KIRREL3: variants seen among roughly 807,000 people sequenced by gnomAD.
KIRREL3 encodes the protein kirre like nephrin family adhesion molecule 3, also known as kin of IRRE-like protein 3.
In KIRREL3, 36 loss-of-function variants were observed where a neutral mutation model predicts 89.7. That is an observed-to-expected ratio of 0.40 (90% CI 0.31 to 0.53). KIRREL3 has a LOEUF of 0.53. Ranked by LOEUF, KIRREL3 falls within the 20% of genes least tolerant of loss-of-function variation. The pLI is 0.49. For missense variants in KIRREL3, 864 were observed against 1,056.6 expected, an observed-to-expected ratio of 0.82 and a Z score of 2.53; for synonymous variants, 445 against 441.4, an observed-to-expected ratio of 1.01 and a Z score of -0.10.
chr11:126,759,036 A>C (rs1949590965), intron 1 of KIRREL3, among the ~76,000 whole-genome samples: 2 of 152,220 alleles, frequency 1.3e-5, no homozygotes. Context: ...AGAGTGGGTC[A>C]TGTACACCCC....
chr11:126,516,264 A>G lies in KIRREL3; in HGVS notation c.433+5051T>C, dbSNP rs1958404575. Among the ~76,000 whole-genome samples, 1 of 152,184 alleles carries G rather than the reference A, an allele frequency of 6.6e-6. No homozygotes were observed. Among genetic ancestry groups the G allele is most frequent in the Admixed American group, 6.5e-5 (1 of 15,282 alleles). On this transcript the variant is annotated intron_variant, in intron 4 of 16. Coordinates refer to ENST00000525144, the MANE Select transcript of KIRREL3 (RefSeq NM_032531.4). The surrounding 1 kb of genome is among the most constrained non-coding windows in gnomAD (Gnocchi z 4.9). ...CTTTATTTCTAACGGGAGCCACAAG[A>G]CAGCAGAGTTAATATTAGAACGGGC...
chr11:126,506,568 A>C (rs768600211), intron 4 of KIRREL3, among the ~76,000 whole-genome samples: 1 of 152,234 alleles, frequency 6.6e-6, no homozygotes, highest in Admixed American at 6.5e-5. Context: ...AACCTGTAAC[A>C]GTGTTGGCAA....
rs971153973 is a variant in KIRREL3 at position 126,694,234 on chromosome 11, G to A, written c.56-131322C>T. ...AGGCTCTTTGTTTTTCCCCCAGTCC[G>A]AACTCCTAGCTCATCAAACCTTGGA... On this transcript the variant is annotated intron_variant, in intron 1 of 16. Coordinates refer to ENST00000525144, the MANE Select transcript of KIRREL3 (RefSeq NM_032531.4). The surrounding 1 kb of genome is among the most constrained non-coding windows in gnomAD (Gnocchi z 4.4). Among the ~76,000 whole-genome samples, 1 of 152,188 alleles carries A rather than the reference G, an allele frequency of 6.6e-6. No individual in the cohort carries two copies. The highest frequency in any genetic ancestry group is 1.5e-5 in the Non-Finnish European group (1 of 68,038).
rs1486499411 is a variant in KIRREL3, at chr11:126,635,689, T to A, written c.56-72777A>T. On this transcript the variant is annotated intron_variant, in intron 1 of 16. Transcript: ENST00000525144. The surrounding 1 kb of genome is among the most constrained non-coding windows in gnomAD (Gnocchi z 4.0). ...GACCCCAGCTGGATATCTGCTCACGTCATCAAAGCTCTTGAGGCCTCAGCT... is the reference window on the plus strand; with the variant it reads ...GACCCCAGCTGGATATCTGCTCACGACATCAAAGCTCTTGAGGCCTCAGCT... Among the ~76,000 whole-genome samples, 1 of 152,168 alleles carries A rather than the reference T, an allele frequency of 6.6e-6. No individual in the cohort carries two copies. The highest frequency in any genetic ancestry group is 1.5e-5 in the Non-Finnish European group (1 of 68,032).
At chr11:126,604,756 G>A (rs1825234748) in intron 1 of KIRREL3, among the ~76,000 whole-genome samples, 1 of 152,200 alleles carries the variant, frequency 6.6e-6, no homozygotes, top group South Asian at 2.1e-4. Flanking sequence ...TTTGCCAGGT[G>A]TCCATGTTTG....
chr11:126,445,261 C>T (rs929768891), intron 9 of KIRREL3, among the ~76,000 whole-genome samples, 156 bp from the exon 10 acceptor site: 4 of 152,230 alleles, frequency 2.6e-5, no homozygotes, highest in Non-Finnish European at 5.9e-5. Flanking sequence ...CCAAAAGTTT[C>T]CTGGCCCAGA....
chr11:126,571,195 G>T lies in KIRREL3; in HGVS notation c.56-8283C>A, dbSNP rs895041750. Among the ~76,000 whole-genome samples the T allele has an allele frequency of 1.3e-5, 2 of 152,132 alleles. No individual in the cohort carries two copies. Among genetic ancestry groups the T allele is most frequent in the African/African-American group, 4.8e-5 (2 of 41,416 alleles). ...GGCTGGCTTTTTGATACCTTGCCTA[G>T]CTCTTATCATCTTTCTCTCCTTGGA... On this transcript the variant is annotated intron_variant, in intron 1 of 16. Transcript: ENST00000525144. The surrounding 1 kb of genome is among the most constrained non-coding windows in gnomAD (Gnocchi z 7.7).
Position 126,443,027 on chromosome 11 carries a change from G to GT in KIRREL3, c.1252+1951dup, listed in dbSNP as rs1955644914. Among the ~76,000 whole-genome samples the GT allele has an allele frequency of 6.6e-6, 1 of 152,208 alleles. No individual in the cohort carries two copies. Among genetic ancestry groups the GT allele is most frequent in the Non-Finnish European group, 1.5e-5 (1 of 68,040 alleles). On this transcript the variant is annotated intron_variant, in intron 10 of 16. Transcript: ENST00000525144. This position sits in a 1 kb window ranked among gnomAD's most constrained non-coding sequence, Gnocchi z 7.3. Reference sequence around the variant, plus strand: ...AAGAGAAATGTCCCTCCCGGCCTGTGTTCCCCAGGGGGCATTCTCTCCTCA... The same window carrying GT: ...AAGAGAAATGTCCCTCCCGGCCTGTGTTTCCCCAGGGGGCATTCTCTCCTCA...
At position 126,900,824 on chromosome 11, in the gene KIRREL3, T is replaced by C. The variant is rs1443579826; in HGVS notation, c.55+99631A>G. ...GAGTATTCTGTTTGAGGGAATGCAT[T>C]GTACTTATTTAAAGACATTTTCAAA... On this transcript the variant is annotated intron_variant, in intron 1 of 16. Transcript: ENST00000525144. This position sits in a 1 kb window ranked among gnomAD's most constrained non-coding sequence, Gnocchi z 4.4. Among the ~76,000 whole-genome samples, 2 of 152,234 alleles carry C rather than the reference T, an allele frequency of 1.3e-5. No homozygotes were observed. Among genetic ancestry groups the C allele is most frequent in the East Asian group, 3.8e-4 (2 of 5,204 alleles).
intron 1 of KIRREL3, among the ~76,000 whole-genome samples, chr11:126,712,304 G>A (rs1947791835): frequency 6.6e-6 from 1 of 150,668 alleles, no homozygotes; most frequent in Admixed American, 6.6e-5. Context: ...CATGCATTTT[G>A]GGGGGCTGGG....
intron 7 of KIRREL3, among the ~76,000 whole-genome samples, chr11:126,450,392 G>T (rs114826478): frequency 0.084 from 11,277 of 134,100 alleles, 1,418 homozygotes; most frequent in African/African-American, 0.29. Context: ...TGTGAGTGTG[G>T]GTATGTGTGA....
chr11:126,465,495 C>A (rs925392842), intron 5 of KIRREL3, among the ~76,000 whole-genome samples: 1 of 152,214 alleles, frequency 6.6e-6, no homozygotes, highest in African/African-American at 2.4e-5. Flanking sequence ...AACCTGTAAG[C>A]TCCTAGAACC....
rs544150432 is a variant in KIRREL3, at chr11:126,780,325, C to T, written c.56-217413G>A. On this transcript the variant is annotated intron_variant, in intron 1 of 16. Transcript: ENST00000525144. This position sits in a 1 kb window ranked among gnomAD's most constrained non-coding sequence, Gnocchi z 5.3. ...AGTGTGGCACAGGAGAGAGCCTTAG[C>T]TTTTTACTGAATGTAATTAATGACA... Among the ~76,000 whole-genome samples, 20 of 152,254 alleles carry T rather than the reference C, an allele frequency of 1.3e-4. No individual in the cohort carries two copies. Among genetic ancestry groups the T allele is most frequent in the African/African-American group, 3.9e-4 (16 of 41,544 alleles).
Position 126,730,824 on chromosome 11 carries a change from C to T in KIRREL3, c.56-167912G>A, listed in dbSNP as rs553137207. The stretch of plus-strand genomic sequence containing the variant: ...TGCCATCTCGGCTCACTGCAACCTC[C>T]GCCTCCCAGGTTCACGCCATTCTCC... On this transcript the variant is annotated intron_variant, in intron 1 of 16. Coordinates refer to ENST00000525144, the MANE Select transcript of KIRREL3 (RefSeq NM_032531.4). Among the ~76,000 whole-genome samples the T allele has an allele frequency of 5.9e-5, 9 of 152,124 alleles. No homozygotes were observed. The East Asian group carries it at 1.2e-3, about 20-fold the overall frequency.
At chr11:126,598,150 C>T (rs909004700) in intron 1 of KIRREL3, among the ~76,000 whole-genome samples, 2 of 152,170 alleles carry the variant, frequency 1.3e-5, no homozygotes, top group Admixed American at 6.5e-5. Flanking sequence ...AGTGGTGAAG[C>T]GTTCAGTGAC....
At position 126,655,656 on chromosome 11, in the gene KIRREL3, C is replaced by T. The variant is rs150882431; in HGVS notation, c.56-92744G>A. Among the ~76,000 whole-genome samples the T allele has an allele frequency of 1.6e-3, 250 of 152,230 alleles. No individual in the cohort carries two copies. The highest frequency in any genetic ancestry group is 5.5e-3 in the African/African-American group (229 of 41,536). On this transcript the variant is annotated intron_variant, in intron 1 of 16. Coordinates refer to ENST00000525144, the MANE Select transcript of KIRREL3 (RefSeq NM_032531.4). The surrounding 1 kb of genome is among the most constrained non-coding windows in gnomAD (Gnocchi z 5.0). The stretch of plus-strand genomic sequence containing the variant: ...TGTCATCTCGGGAGCAGTGTGTGCC[C>T]GTCCACCCTGGGAGAGGCTTATGAA...
chr11:126,694,043 C>T lies in KIRREL3; in HGVS notation c.56-131131G>A, dbSNP rs1186599262. On this transcript the variant is annotated intron_variant, in intron 1 of 16. Coordinates refer to ENST00000525144, the MANE Select transcript of KIRREL3 (RefSeq NM_032531.4). This position sits in a 1 kb window ranked among gnomAD's most constrained non-coding sequence, Gnocchi z 4.4. ...CACAGGTTGAAGAGGCGGAGGGAAG[C>T]GGCACAGCTCACAGTCACACTAGGA... is the stretch of plus-strand genomic sequence containing the variant. Among the ~76,000 whole-genome samples the T allele has an allele frequency of 1.3e-5, 2 of 152,190 alleles. No homozygotes were observed. Among genetic ancestry groups the T allele is most frequent in the Admixed American group, 6.5e-5 (1 of 15,290 alleles).
intron 1 of KIRREL3, among the ~76,000 whole-genome samples, chr11:126,590,563 G>A (rs1459856118): frequency 2.0e-5 from 3 of 152,232 alleles, no homozygotes; most frequent in East Asian, 1.9e-4. Context: ...CACAGCAGAC[G>A]AAAGAGAACA....
At chr11:126,483,171 A>G (rs1326114629) in intron 4 of KIRREL3, among the ~76,000 whole-genome samples, 3 of 152,228 alleles carry the variant, frequency 2.0e-5, no homozygotes, top group African/African-American at 7.2e-5. Flanking sequence ...AGAGGAATGC[A>G]GGCAAGGCCT....
Sources: allele counts gnomAD v4.1 joint callset (sites outside exome capture counted in the v4.1 genomes callset), GRCh38; gene constraint gnomAD v4.1.1; non-coding constraint Gnocchi (gnomAD v3.1); transcripts MANE v1.5; gene names NCBI Gene and HGNC (gene_info 2026-07-23, HGNC 2026-07-21).